The following ARHGAP6 variants were observed in gnomAD, a reference collection of about 807,000 sequenced individuals.
The protein encoded by ARHGAP6 is Rho GTPase activating protein 6, also known as rho GTPase-activating protein 6.
In ARHGAP6, 16 loss-of-function variants were observed where a neutral mutation model predicts 55.7. The observed-to-expected ratio is 0.29, with a 90% CI of 0.19 to 0.44. The LOEUF (loss-of-function observed/expected upper bound fraction) is 0.44, where lower values mean the gene tolerates loss of function less well. Ranked by LOEUF, ARHGAP6 falls within the 20% of genes least tolerant of loss-of-function variation. The pLI is 1.00. For synonymous variants in ARHGAP6, 382 were observed against 360.9 expected, an observed-to-expected ratio of 1.06 and a Z score of -0.66; for missense variants, 698 against 808.9, an observed-to-expected ratio of 0.86 and a Z score of 1.66.
At chrX:11,378,849 A>G (rs918933646) in intron 1 of ARHGAP6, among the ~76,000 whole-genome samples, 5 of 112,502 alleles carry the variant, frequency 4.4e-5, no homozygotes, top group African/African-American at 1.6e-4. Context: ...TTTATTTTTG[A>G]TTATTTCTCA....
intron 1 of ARHGAP6, among the ~76,000 whole-genome samples, chrX:11,474,283 A>G (rs1043458646): frequency 8.9e-5 from 10 of 112,129 alleles, no homozygotes; most frequent in African/African-American, 3.2e-4. Flanking sequence ...AAGTCTGTCT[A>G]CAGCGTTATC....
intron 1 of ARHGAP6, among the ~76,000 whole-genome samples, chrX:11,308,556 T>C (rs2048261303): frequency 9.0e-6 from 1 of 111,539 alleles, no homozygotes; most frequent in African/African-American, 3.3e-5. Flanking sequence ...TTCATCATAC[T>C]AAGGAAAAGG....
rs577734911 is a variant in ARHGAP6 at position 11,512,057 on chromosome X, A to G, written c.588+152184T>C. ...TAGCCAGGATGGTCTTGATCTCCTG[A>G]CCTTGTGATCTGTCCGCCTTGGCCT... On this transcript the variant is annotated intron_variant, in intron 1 of 12. Transcript: ENST00000337414. Among the ~76,000 whole-genome samples, 18 of 110,966 alleles carry G rather than the reference A, an allele frequency of 1.6e-4. No homozygotes were observed. In the South Asian group the frequency reaches 5.4e-3, roughly 33 times the overall value.
intron 1 of ARHGAP6, among the ~76,000 whole-genome samples, chrX:11,485,099 A>G (rs1346192656): frequency 8.9e-6 from 1 of 112,264 alleles, no homozygotes; most frequent in Admixed American, 9.5e-5. Context: ...AATTATGTAT[A>G]TATGAGATCC....
chrX:11,272,459 A>G (rs1433507470), intron 1 of ARHGAP6, among the ~76,000 whole-genome samples: 2 of 110,173 alleles, frequency 1.8e-5, no homozygotes, highest in African/African-American at 6.6e-5. Context: ...AGAATTTGTC[A>G]TGTACCTTTG....
At chrX:11,647,342 C>A (rs1053260561) in intron 1 of ARHGAP6, among the ~76,000 whole-genome samples, 3 of 112,057 alleles carry the variant, frequency 2.7e-5, no homozygotes, top group African/African-American at 9.7e-5. Flanking sequence ...TCTTCCTCCC[C>A]CTTCTGACAG....
chrX:11,664,723 G>A lies in ARHGAP6; in HGVS notation c.106C>T (p.Arg36Cys), dbSNP rs2052738290. 1.7e-6 allele frequency: 2 copies of A among 1,192,432 alleles called. No homozygotes were observed. The highest frequency in any genetic ancestry group is 1.8e-5 in the South Asian group (1 of 54,295). ...CCGATCAGGGCCGGGTCCAGGCTGC[G>A]GGTCTGGCGCAGCTTCCTCTTGGAG... ...GFSKRKLRQT[R>C]SLDPALIGGC... The change falls in exon 1 of 13, where the codon CGC (arginine) becomes TGC (cysteine). Residue 36 changes from arginine (R) to cysteine (C), a missense_variant. Arg to Cys is a radical substitution (Grantham distance 180, BLOSUM62 -3). This residue lies in a region of ARHGAP6 where 164 missense variants were observed against 149.2 expected (regional missense o/e 1.10). Transcript: ENST00000337414.
chrX:11,390,421 A>C (rs898975214), intron 1 of ARHGAP6, among the ~76,000 whole-genome samples: 6 of 111,665 alleles, frequency 5.4e-5, no homozygotes, highest in African/African-American at 2.0e-4. Context: ...TTCATGTCTA[A>C]AACACCAAAA....
At chrX:11,393,534 T>C (rs762722824) in intron 1 of ARHGAP6, among the ~76,000 whole-genome samples, 12 of 112,067 alleles carry the variant, frequency 1.1e-4, no homozygotes, top group Admixed American at 4.8e-4. Flanking sequence ...CACTAGCAAA[T>C]GGTAGTACAT....
chrX:11,420,933 G>A (rs1004678892), intron 1 of ARHGAP6, among the ~76,000 whole-genome samples: 3 of 112,263 alleles, frequency 2.7e-5, no homozygotes, highest in Admixed American at 1.9e-4. Flanking sequence ...AAGGCTGTTA[G>A]ACGGTCATAA....
intron 3 of ARHGAP6, among the ~76,000 whole-genome samples, chrX:11,196,173 A>T (rs1471907852): frequency 9.1e-6 from 1 of 109,444 alleles, no homozygotes; most frequent in African/African-American, 3.3e-5. Flanking sequence ...AACAAAACAA[A>T]ACAAAAAAAC....
At chrX:11,613,726 C>A (rs2052130196) in intron 1 of ARHGAP6, among the ~76,000 whole-genome samples, 1 of 112,283 alleles carries the variant, frequency 8.9e-6, no homozygotes, top group South Asian at 3.7e-4. Context: ...TGTGACCAGG[C>A]TGCCATTCTT....
intron 1 of ARHGAP6, among the ~76,000 whole-genome samples, chrX:11,255,029 T>G (rs1294275818): frequency 9.0e-6 from 1 of 111,554 alleles, no homozygotes; most frequent in Admixed American, 9.6e-5. Context: ...TTCTAACTTT[T>G]GTGAAACACT....
Position 11,515,495 on chromosome X carries a change from C to T in ARHGAP6, c.588+148746G>A, listed in dbSNP as rs765523845. On this transcript the variant is annotated intron_variant, in intron 1 of 12. Transcript: ENST00000337414. The stretch of plus-strand genomic sequence containing the variant: ...TTACTGGAGCACATAACTATACCTC[C>T]CCCTTTTTTAACAACCAAAGCTTTC... Among the ~76,000 whole-genome samples the T allele has an allele frequency of 6.5e-5, 7 of 107,142 alleles. No homozygotes were observed. In the East Asian group the frequency reaches 1.8e-3, roughly 28 times the overall value. The allele number at this position is 107,142 out of a possible 115,157, so 93.0% of individuals were successfully genotyped here. A position where few individuals can be genotyped will look rare whatever the true frequency, so the allele number is the denominator to read the frequency against.
At chrX:11,188,575 G>A (rs1347645834) in intron 4 of ARHGAP6, among the ~76,000 whole-genome samples, 153 bp downstream of exon 4, 1 of 112,407 alleles carries the variant, frequency 8.9e-6, no homozygotes, top group African/African-American at 3.2e-5. Flanking sequence ...AAGGTGCCAC[G>A]TGCCCAGTGC....
rs2045573675 is a variant in ARHGAP6 at position 11,138,436 on chromosome X, T to C, written c.*427A>G. 1 of 136,781 alleles carries C rather than the reference T, an allele frequency of 7.3e-6. No individual in the cohort carries two copies. Among genetic ancestry groups the C allele is most frequent in the Admixed American group, 8.9e-5 (1 of 11,174 alleles). 11.3% of individuals were successfully genotyped at this position (136,781 alleles called of 1,213,427 possible). A position where few individuals can be genotyped will look rare whatever the true frequency, so the allele number is the denominator to read the frequency against. On this transcript the variant is annotated 3_prime_UTR_variant, in exon 13 of 13. Transcript: ENST00000337414. Reference sequence around the variant, plus strand: ...GTTTAGTATATCTCATTGCTTAATATAAGTGAAGTGATTTTTTTTTTAAAA... The same window carrying C: ...GTTTAGTATATCTCATTGCTTAATACAAGTGAAGTGATTTTTTTTTTAAAA...
chrX:11,611,923 C>CA (rs5901449), intron 1 of ARHGAP6, among the ~76,000 whole-genome samples: 844 of 78,166 alleles, frequency 0.011, 2 homozygotes, highest in Admixed American at 0.018. Context: ...CAGAAAAGTA[C>CA]AAAAAAAAAA....
At chrX:11,414,146 G>A (rs2049720732) in intron 1 of ARHGAP6, among the ~76,000 whole-genome samples, 1 of 112,017 alleles carries the variant, frequency 8.9e-6, no homozygotes, top group East Asian at 2.8e-4. Flanking sequence ...CATTAGACTA[G>A]AGATAGGCAA....
chrX:11,406,644 T>C (rs945883994), intron 1 of ARHGAP6, among the ~76,000 whole-genome samples: 4 of 111,527 alleles, frequency 3.6e-5, no homozygotes, highest in Non-Finnish European at 7.5e-5. Flanking sequence ...ACTCCCAGCA[T>C]GTTGGCCCTG....
Sources: allele counts gnomAD v4.1 joint callset (sites outside exome capture counted in the v4.1 genomes callset), GRCh38; gene constraint gnomAD v4.1.1; regional missense constraint gnomAD v4.1.1; transcripts MANE v1.5; gene names NCBI Gene and HGNC (gene_info 2026-07-23, HGNC 2026-07-21).